The following DNAH2 variants were observed in gnomAD, a reference collection of about 807,000 sequenced individuals.
DNAH2 encodes the protein axonemal beta dynein heavy chain 2.
Under a neutral mutation model 523.5 loss-of-function variants are expected in DNAH2, and 323 were observed. The ratio of observed to expected loss-of-function variants is 0.62; its 90% CI spans 0.56 to 0.68. The LOEUF is 0.68. Among genes scored for constraint, DNAH2 ranks in the 30% least tolerant of loss-of-function variants. The pLI, the probability that DNAH2 is intolerant of heterozygous loss-of-function variation, is 0.00. For synonymous variants in DNAH2, 2,093 were observed against 2,177.4 expected (o/e 0.96, Z 1.08); for missense variants, 4,907 against 5,701.5 (o/e 0.86, Z 4.49).
At chr17:7,738,761 C>T (rs1172704402) in intron 8 of DNAH2, among the ~76,000 whole-genome samples, 1 of 152,042 alleles carries the variant, frequency 6.6e-6, no homozygotes, top group Non-Finnish European at 1.5e-5. Flanking sequence ...GCTCTGTCTC[C>T]TGTCTGGTTC....
chr17:7,776,827 T>G lies in DNAH2; in HGVS notation c.4996T>G (p.Cys1666Gly), dbSNP rs1039934765. ...CCAGTGGACGGCTGATGTCACCAAG[T>G]GCCTGCTGACAGCGAAGGAGCGGGC... Reference protein sequence around the residue: ...QIQWTADVTKCLLTAKERADK... With the variant: ...QIQWTADVTKGLLTAKERADK... Residue 1666 changes from cysteine (C) to glycine (G), a missense_variant, in exon 32 of 86, where the codon TGC (cysteine) becomes GGC (glycine). Cys to Gly is a radical substitution (Grantham distance 159). This residue lies in a region of DNAH2 where 2,806 missense variants were observed against 3,190.8 expected (regional missense o/e 0.88). Transcript: ENST00000572933. The G allele has an allele frequency of 1.9e-6, 3 of 1,613,032 alleles. No homozygotes were observed. In the African/African-American group the frequency reaches 4.0e-5, roughly 22 times the overall value.
At chr17:7,733,465 CCTT>C (rs1310143327) in intron 5 of DNAH2, 150 bp downstream of exon 5, 24 of 594,656 alleles carry the variant, frequency 4.0e-5, no homozygotes, top group African/African-American at 2.9e-4. Flanking sequence ...ACAAGATCCG[CCTT>C]CTTCTTCTTT....
intron 11 of DNAH2, among the ~76,000 whole-genome samples, chr17:7,741,248 T>TCTC (rs2075313980): frequency 5.6e-5 from 2 of 35,758 alleles, no homozygotes; most frequent in Non-Finnish European, 9.8e-5. Context: ...CTTTCTTTCT[T>TCTC]TCTTTCTTTC....
At chr17:7,721,453 C>T (rs1046172422) in intron 2 of DNAH2, among the ~76,000 whole-genome samples, 7 of 152,058 alleles carry the variant, frequency 4.6e-5, no homozygotes, top group Non-Finnish European at 7.4e-5. Flanking sequence ...GGATTACAGG[C>T]GTGAGCCACC....
At chr17:7,761,748 G>C (rs1020285953) in intron 18 of DNAH2, among the ~76,000 whole-genome samples, 2 of 152,116 alleles carry the variant, frequency 1.3e-5, no homozygotes, top group Non-Finnish European at 2.9e-5. Context: ...GCCTCCCTCA[G>C]TGCTGGGATT....
chr17:7,722,840 G>A lies in DNAH2; in HGVS notation c.167-788G>A, dbSNP rs570447772. ...TGCCTATTGTGAATAATGCTGCTAC[G>A]AATGCTGTAATGCAAATCTCTCTTT... On this transcript the variant is annotated intron_variant, in intron 2 of 85. Coordinates refer to ENST00000572933, the MANE Select transcript of DNAH2 (RefSeq NM_020877.5). 2.0e-5 allele frequency among the ~76,000 whole-genome samples: 3 copies of A among 152,146 alleles called. 1 individual carries two copies. Among genetic ancestry groups the A allele is most frequent in the African/African-American group, 7.2e-5 (3 of 41,548 alleles).
chr17:7,742,356 T>C (rs1259136320), intron 11 of DNAH2, among the ~76,000 whole-genome samples: 1 of 152,076 alleles, frequency 6.6e-6, no homozygotes, highest in Non-Finnish European at 1.5e-5. Context: ...GCTTGAACCC[T>C]GGAGGCAGAA....
chr17:7,739,878 G>A lies in DNAH2; in HGVS notation c.1316G>A (p.Arg439Gln), dbSNP rs143209705. Residue 439 changes from arginine (R) to glutamine (Q), a missense_variant, in exon 9 of 86, where the codon CGA becomes CAA. Physicochemically the swap from Arg to Gln is conservative, Grantham distance 43. Transcript: ENST00000572933. ...DIFHKNLHTL[R>Q]AVRGGILDVK... is the part of the protein sequence containing the mutation. ...TTTCATAAAAATCTGCACACGCTGCGAGCCGTTCGCGGGGGTATCCTGGAT... is the reference window on the plus strand; with the variant it reads ...TTTCATAAAAATCTGCACACGCTGCAAGCCGTTCGCGGGGGTATCCTGGAT... 1.5e-3 allele frequency: 2,385 copies of A among 1,614,008 alleles called. 3 individuals carry two copies. The highest frequency in any genetic ancestry group is 1.9e-3 in the Non-Finnish European group (2,219 of 1,179,976).
chr17:7,788,288 A>T, intron 44 of DNAH2, 44 bp downstream of exon 44: 2 of 1,519,576 alleles, frequency 1.3e-6, no homozygotes, highest in Non-Finnish European at 1.8e-6. Context: ...GGGGGTGCTC[A>T]CAGCCTCACC....
intron 64 of DNAH2, among the ~76,000 whole-genome samples, 172 bp from the exon 65 acceptor site, chr17:7,817,118 A>G (rs529562819): frequency 6.6e-6 from 1 of 152,178 alleles, no homozygotes; most frequent in Non-Finnish European, 1.5e-5. Flanking sequence ...AGAGATAGAG[A>G]ACTCAAAAGT....
rs777057188 is a variant in DNAH2 at position 7,777,667 on chromosome 17, C to G, written c.5247+33C>G. On this transcript the variant is annotated intron_variant, in intron 33 of 85. Transcript: ENST00000572933. ...ATGGGCCACCTCCCCACTCTCTTAC[C>G]GTAAAATGGATCCTAATGCTTTTAT... The G allele has an allele frequency of 1.9e-6, 3 of 1,610,610 alleles. No individual in the cohort carries two copies. In the African/African-American group the frequency reaches 4.0e-5, roughly 22 times the overall value.
chr17:7,739,194 T>C (rs1301137420), intron 8 of DNAH2, among the ~76,000 whole-genome samples: 1 of 152,164 alleles, frequency 6.6e-6, no homozygotes, highest in African/African-American at 2.4e-5. Context: ...TCACCTGCGA[T>C]CAGCAGTTCG....
chr17:7,721,004 CTTTTTTTTTTTTTT>C (rs71159523), intron 2 of DNAH2, among the ~76,000 whole-genome samples: 2 of 109,730 alleles, frequency 1.8e-5, no homozygotes, highest in Non-Finnish European at 3.7e-5. Flanking sequence ...TTCTTTCTTT[CTTTTTTTTTTTTTT>C]TTTTTTTTGA....
intron 20 of DNAH2, 94 bp from the exon 21 acceptor site, chr17:7,765,297 A>C (rs967289626): frequency 9.7e-7 from 1 of 1,026,296 alleles, no homozygotes; most frequent in Non-Finnish European, 1.4e-6. Context: ...TCCTCCACTC[A>C]TGAGAGGGCA....
At position 7,817,667 on chromosome 17, in the gene DNAH2, C is replaced by T. The variant is rs754858403; in HGVS notation, c.10127C>T (p.Ala3376Val). Residue 3376 changes from alanine to valine, a missense_variant, in exon 66 of 86, where the codon GCC becomes GTC. By Grantham distance (64) the Ala-to-Val change is moderately conservative. Transcript: ENST00000572933. ...AACATCCAAGGGTTGCCCTCAGACG[C>T]CTTCTCCACTGAGAATGGCATCATC... The part of the protein sequence containing the change: ...DWNIQGLPSD[A>V]FSTENGIIVT... 6.2e-7 allele frequency: 1 copy of T among 1,614,162 alleles called. No homozygotes were observed. Among genetic ancestry groups the T allele is most frequent in the Non-Finnish European group, 8.5e-7 (1 of 1,180,024 alleles).
chr17:7,798,440 G>A lies in DNAH2; in HGVS notation c.8398+116G>A. On this transcript the variant is annotated intron_variant, in intron 54 of 85. Coordinates refer to ENST00000572933, the MANE Select transcript of DNAH2 (RefSeq NM_020877.5). The surrounding 1 kb of genome is among the most constrained non-coding windows in gnomAD (Gnocchi z 5.5). Reference sequence around the variant, plus strand: ...CAGACGTGTCTGGCCCGTGTTGGGTGTAGGATGGTGTCGCGTGTATGCTGC... The same window carrying A: ...CAGACGTGTCTGGCCCGTGTTGGGTATAGGATGGTGTCGCGTGTATGCTGC... The A allele has an allele frequency of 6.5e-7, 1 of 1,537,752 alleles. No individual in the cohort carries two copies.
At chr17:7,796,241 G>A (rs1333780042) in intron 49 of DNAH2, among the ~76,000 whole-genome samples, 1 of 151,760 alleles carries the variant, frequency 6.6e-6, no homozygotes, top group Non-Finnish European at 1.5e-5. Flanking sequence ...TAAAGACGGA[G>A]TTTCTCCATG....
At chr17:7,794,740 T>A (rs2077016073) in intron 49 of DNAH2, among the ~76,000 whole-genome samples, 1 of 150,474 alleles carries the variant, frequency 6.6e-6, no homozygotes, top group East Asian at 1.9e-4. Flanking sequence ...AGAAATAATA[T>A]GTTAACACTT....
intron 7 of DNAH2, among the ~76,000 whole-genome samples, chr17:7,736,184 TA>T (rs959089641): frequency 2.7e-4 from 41 of 151,696 alleles, no homozygotes; most frequent in South Asian, 4.2e-4. Context: ...CAATAAACAT[TA>T]AAAAAAAATT....
Sources: gnomAD v4.1 joint callset for allele counts (sites outside exome capture counted in the v4.1 genomes callset) on GRCh38, gnomAD v4.1.1 for gene constraint, gnomAD v4.1.1 regional missense constraint, Gnocchi (gnomAD v3.1) non-coding constraint, MANE v1.5 for transcripts, NCBI Gene and HGNC (gene_info 2026-07-23, HGNC 2026-07-21) for gene names.